The following ADAMTSL3 variants were observed in gnomAD, a reference collection of about 807,000 sequenced individuals.
ADAMTSL3 encodes ADAMTS-like protein 3.
In ADAMTSL3, 128 loss-of-function variants were observed where a neutral mutation model predicts 201.7. The ratio of observed to expected loss-of-function variants is 0.63; its 90% CI spans 0.55 to 0.73. The LOEUF (loss-of-function observed/expected upper bound fraction) is 0.73. Ranked by LOEUF, ADAMTSL3 falls within the 30% of genes least tolerant of loss-of-function variation. The pLI, the probability that ADAMTSL3 is intolerant of heterozygous loss-of-function variation, is 0.00. For missense variants in ADAMTSL3, 1,990 were observed against 2,119.6 expected (o/e 0.94, Z 1.20); for synonymous variants, 738 against 748.4 (o/e 0.99, Z 0.23).
chr15:83,935,990 T>C (rs1251307989), intron 17 of ADAMTSL3, among the ~76,000 whole-genome samples: 1 of 152,030 alleles, frequency 6.6e-6, no homozygotes, highest in African/African-American at 2.4e-5. Context: ...AAATTTTCAC[T>C]AAAGACAATT....
intron 2 of ADAMTSL3, among the ~76,000 whole-genome samples, chr15:83,661,419 G>C (rs1219162340): frequency 6.6e-6 from 1 of 151,776 alleles, no homozygotes; most frequent in Non-Finnish European, 1.5e-5. Context: ...CATGAGCATG[G>C]AATGTTCTTC....
Position 83,739,335 on chromosome 15 carries a change from A to T in ADAMTSL3, c.190-34188A>T, listed in dbSNP as rs12594788. 0.013 allele frequency among the ~76,000 whole-genome samples: 1,894 copies of T among 151,482 alleles called. 218 individuals carry two copies. The East Asian group carries it at 0.28, about 22-fold the overall frequency. On this transcript the variant is annotated intron_variant, in intron 3 of 29. Coordinates refer to ENST00000286744, the MANE Select transcript of ADAMTSL3 (RefSeq NM_207517.3). ...TCTGGATAAAAGATTCTTGCATTTC[A>T]TACAGGTTGAGCACCCTGAAACTTT...
chr15:84,036,810 G>C lies in ADAMTSL3; in HGVS notation c.4792G>C (p.Asp1598His), dbSNP rs756278126. The C allele has an allele frequency of 1.2e-6, 2 of 1,614,036 alleles. No individual in the cohort carries two copies. The highest frequency in any genetic ancestry group is 2.2e-5 in the South Asian group (2 of 91,064). ...AAGGAACTGCACATCAGGGGCCTGT[G>C]ATGTGTGTTGGCACACAGGCCCTTG... Reference protein sequence around the residue: ...LRRNCTSGACDVCWHTGPWKP... With the variant: ...LRRNCTSGACHVCWHTGPWKP... The change falls in exon 29 of 30, where the codon GAT becomes CAT. Residue 1598 changes from aspartate (D) to histidine (H), a missense_variant. Transcript: ENST00000286744.
chr15:83,812,781 G>A (rs1226139176), intron 5 of ADAMTSL3, among the ~76,000 whole-genome samples: 3 of 152,156 alleles, frequency 2.0e-5, no homozygotes, highest in Non-Finnish European at 2.9e-5. Flanking sequence ...AATAATAATA[G>A]TAGCTCATAC....
Position 83,870,784 on chromosome 15 carries a change from C to A in ADAMTSL3, c.803-18C>A. 1.3e-6 allele frequency: 2 copies of A among 1,541,794 alleles called. No homozygotes were observed. The highest frequency in any genetic ancestry group is 1.2e-5 in the South Asian group (1 of 81,446). ...CTTTAAGATTGTTTCTTATTTGAAT[C>A]ATATATTTTAATTTTAGTTATTGAA... On this transcript the variant is annotated intron_variant, in intron 8 of 29. Transcript: ENST00000286744.
At chr15:83,807,029 A>C (rs1044272830) in intron 5 of ADAMTSL3, among the ~76,000 whole-genome samples, 1 of 152,278 alleles carries the variant, frequency 6.6e-6, no homozygotes, top group Non-Finnish European at 1.5e-5. Flanking sequence ...TGTGAGATAC[A>C]GAAGAACACA....
At chr15:83,742,468 G>A (rs968842231) in intron 3 of ADAMTSL3, among the ~76,000 whole-genome samples, 2 of 152,022 alleles carry the variant, frequency 1.3e-5, no homozygotes, top group Non-Finnish European at 2.9e-5. Flanking sequence ...ATAAACAAAA[G>A]CAGAAATTCA....
chr15:83,858,879 A>G, intron 8 of ADAMTSL3, 39 bp downstream of exon 8: 1 of 1,528,578 alleles, frequency 6.5e-7, no homozygotes. Flanking sequence ...TAATATCCTG[A>G]AAGTTTAGTT....
intron 3 of ADAMTSL3, among the ~76,000 whole-genome samples, chr15:83,712,696 G>A (rs945112156): frequency 6.6e-6 from 1 of 152,162 alleles, no homozygotes; most frequent in Non-Finnish European, 1.5e-5. Flanking sequence ...ATAGCTCAGG[G>A]CAGTGACTGA....
rs146558477 is a variant in ADAMTSL3 at position 83,664,945 on chromosome 15, T to C, written c.69+9115T>C. Among the ~76,000 whole-genome samples, 163 of 152,326 alleles carry C rather than the reference T, an allele frequency of 1.1e-3. 2 individuals carry two copies. In the East Asian group the frequency reaches 0.03, roughly 28 times the overall value. On this transcript the variant is annotated intron_variant, in intron 2 of 29. Coordinates refer to ENST00000286744, the MANE Select transcript of ADAMTSL3 (RefSeq NM_207517.3). Reference sequence around the variant, plus strand: ...ACCCTGGGGACGACCTTGAAGAGCATGTAAAGGATTTTACTCAGTTAGTAA... The same window carrying C: ...ACCCTGGGGACGACCTTGAAGAGCACGTAAAGGATTTTACTCAGTTAGTAA...
At chr15:83,866,210 A>T (rs931403201) in intron 8 of ADAMTSL3, among the ~76,000 whole-genome samples, 1 of 152,262 alleles carries the variant, frequency 6.6e-6, no homozygotes, top group Non-Finnish European at 1.5e-5. Context: ...GTGATTCCTC[A>T]AGGATCTAGA....
intron 3 of ADAMTSL3, 22 bp downstream of exon 3, chr15:83,704,530 C>T: frequency 6.2e-7 from 1 of 1,612,130 alleles, no homozygotes; most frequent in Non-Finnish European, 8.5e-7. Context: ...GGACAAGGAT[C>T]TACCTTTGGC....
At chr15:83,977,030 G>T (rs968879742) in intron 20 of ADAMTSL3, among the ~76,000 whole-genome samples, 4 of 152,202 alleles carry the variant, frequency 2.6e-5, no homozygotes, top group Non-Finnish European at 5.9e-5. Flanking sequence ...TCCATAGCCT[G>T]TTGGGAACTG....
chr15:83,791,572 A>T (rs2063344902), intron 4 of ADAMTSL3, among the ~76,000 whole-genome samples: 1 of 152,188 alleles, frequency 6.6e-6, no homozygotes, highest in Admixed American at 6.5e-5. Flanking sequence ...AGAAAAATCA[A>T]CTAACGCCAG....
intron 6 of ADAMTSL3, among the ~76,000 whole-genome samples, chr15:83,825,875 G>A (rs528212169): frequency 6.6e-6 from 1 of 152,248 alleles, no homozygotes; most frequent in African/African-American, 2.4e-5. Context: ...GCTACCAGTG[G>A]AGGTGGGAAA....
chr15:83,707,170 G>A (rs2061864778), intron 3 of ADAMTSL3, among the ~76,000 whole-genome samples: 1 of 152,230 alleles, frequency 6.6e-6, no homozygotes, highest in South Asian at 2.1e-4. Flanking sequence ...TTGATTTGCT[G>A]TTTTACTTTG....
At chr15:83,738,510 G>C (rs1413944632) in intron 3 of ADAMTSL3, among the ~76,000 whole-genome samples, 4 of 152,168 alleles carry the variant, frequency 2.6e-5, no homozygotes, top group African/African-American at 9.6e-5. Context: ...CAAGGATATA[G>C]ATACTTATTA....
At chr15:83,824,048 CTTTTTT>C (rs1198233831) in intron 6 of ADAMTSL3, among the ~76,000 whole-genome samples, 1 of 118,828 alleles carries the variant, frequency 8.4e-6, no homozygotes, top group African/African-American at 3.1e-5. Flanking sequence ...TTTTCTTTTT[CTTTTTT>C]TTTTTAAAGA....
chr15:83,811,111 A>G (rs2063688232), intron 5 of ADAMTSL3, among the ~76,000 whole-genome samples: 2 of 152,138 alleles, frequency 1.3e-5, no homozygotes, highest in Non-Finnish European at 2.9e-5. Flanking sequence ...ATAATCCTAG[A>G]TAATTTCTCC....
Sources: gnomAD v4.1 joint callset for allele counts (sites outside exome capture counted in the v4.1 genomes callset) on GRCh38, gnomAD v4.1.1 for gene constraint, MANE v1.5 for transcripts, NCBI Gene and HGNC (gene_info 2026-07-23, HGNC 2026-07-21) for gene names.